The following STARD13 variants were observed in gnomAD, a reference collection of about 807,000 sequenced individuals.
STARD13 encodes the protein stAR-related lipid transfer protein 13.
STARD13 carries 62 observed loss-of-function variants against 106.4 expected under a neutral mutation model. The ratio of observed to expected loss-of-function variants is 0.58; its 90% CI spans 0.48 to 0.72. The LOEUF (loss-of-function observed/expected upper bound fraction) is 0.72. Ranked by LOEUF, STARD13 falls within the 30% of genes least tolerant of loss-of-function variation. The pLI is 0.00. For synonymous variants in STARD13, 565 were observed against 553.0 expected, an observed-to-expected ratio of 1.02 and a Z score of -0.31; for missense variants, 1,387 against 1,424.0, an observed-to-expected ratio of 0.97 and a Z score of 0.42.
intron 4 of STARD13, among the ~76,000 whole-genome samples, chr13:33,133,945 T>C (rs1300795712): frequency 2.7e-5 from 4 of 148,794 alleles, no homozygotes; most frequent in Non-Finnish European, 4.5e-5. Flanking sequence ...ATTTCATCTG[T>C]TTGATAATTT....
chr13:33,109,301 G>A (rs552219625), intron 12 of STARD13, among the ~76,000 whole-genome samples: 1 of 152,238 alleles, frequency 6.6e-6, no homozygotes, highest in African/African-American at 2.4e-5. Flanking sequence ...CCAAGAACAG[G>A]GGTCTGGAAC....
the STARD13 span, among the ~76,000 whole-genome samples, chr13:33,660,560 A>G: frequency 6.6e-6 from 1 of 152,282 alleles, no homozygotes; most frequent in African/African-American, 2.4e-5. Flanking sequence ...TAGGACACTA[A>G]GTAACTACTT....
At position 33,229,191 on chromosome 13, in the gene STARD13, G is replaced by A. The variant is rs1414262398; in HGVS notation, c.169+56279C>T. Reference sequence around the variant, plus strand: ...ACCAACGGAGGGAAAACTCCTTGGTGGGAAAGTAAACAATGCAGTGATTTA... The same window carrying A: ...ACCAACGGAGGGAAAACTCCTTGGTAGGAAAGTAAACAATGCAGTGATTTA... On this transcript the variant is annotated intron_variant, in intron 1 of 13. Transcript: ENST00000336934. Among the ~76,000 whole-genome samples the A allele has an allele frequency of 8.5e-5, 13 of 152,294 alleles. No individual in the cohort carries two copies. In the East Asian group the frequency reaches 2.5e-3, roughly 29 times the overall value.
chr13:33,122,233 C>T lies in STARD13; in HGVS notation c.2082+3848G>A, dbSNP rs1189863246. On this transcript the variant is annotated intron_variant, in intron 7 of 13. Transcript: ENST00000336934. ...CTGACCTCAAGTGATCTGCCCACCT[C>T]GGCCTCCCAAAGTGTTGGGATTTTA... 7.9e-5 allele frequency among the ~76,000 whole-genome samples: 12 copies of T among 152,332 alleles called. 1 individual carries two copies. The highest frequency in any genetic ancestry group is 2.0e-4 in the Admixed American group (3 of 15,302).
chr13:33,551,346 AG>A, the STARD13 span, among the ~76,000 whole-genome samples: 1 of 152,188 alleles, frequency 6.6e-6, no homozygotes, highest in African/African-American at 2.4e-5. Context: ...ATATGAGGTC[AG>A]GTGTGGAATT....
At chr13:33,443,845 T>C in the STARD13 span, among the ~76,000 whole-genome samples, 1 of 141,608 alleles carries the variant, frequency 7.1e-6, no homozygotes, top group Non-Finnish European at 1.5e-5. Context: ...GCCGAGATTG[T>C]GCCACTGCAC....
chr13:33,337,444 T>A (rs950466705), intron 1 of STARD13, among the ~76,000 whole-genome samples: 1 of 152,216 alleles, frequency 6.6e-6, no homozygotes, highest in Non-Finnish European at 1.5e-5. Context: ...ACCACAATAC[T>A]TTTTAAAAAA....
the STARD13 span, among the ~76,000 whole-genome samples, chr13:33,603,505 G>C: frequency 6.6e-6 from 1 of 152,154 alleles, no homozygotes; most frequent in Admixed American, 6.5e-5. Context: ...TCAGCACAGG[G>C]TGAAGACAAG....
chr13:33,180,267 C>T (rs546622091), intron 1 of STARD13: 2 of 152,290 alleles, frequency 1.3e-5, no homozygotes, highest in South Asian at 4.1e-4. Context: ...TCCTAAGAGG[C>T]TGTTACTTTT....
At chr13:33,139,071 A>G (rs937994412) in intron 4 of STARD13, among the ~76,000 whole-genome samples, 4 of 152,240 alleles carry the variant, frequency 2.6e-5, no homozygotes, top group Non-Finnish European at 4.4e-5. Flanking sequence ...CACAATTGCC[A>G]TGAAGACAAT....
chr13:33,109,423 G>A (rs1874202207), intron 12 of STARD13, among the ~76,000 whole-genome samples: 2 of 152,206 alleles, frequency 1.3e-5, no homozygotes, highest in South Asian at 4.1e-4. Flanking sequence ...ATAGCTATGA[G>A]CATCTGAAGT....
At chr13:33,273,681 A>C (rs1891271810) in intron 1 of STARD13, among the ~76,000 whole-genome samples, 1 of 152,230 alleles carries the variant, frequency 6.6e-6, no homozygotes, top group Non-Finnish European at 1.5e-5. Context: ...ATGGGCAATT[A>C]AAGTTTCTTA....
chr13:33,387,272 G>A, the STARD13 span, among the ~76,000 whole-genome samples: 15 of 152,238 alleles, frequency 9.9e-5, no homozygotes, highest in African/African-American at 3.4e-4. Flanking sequence ...CTAAGTTGCT[G>A]GGATTACAGA....
intron 1 of STARD13, among the ~76,000 whole-genome samples, chr13:33,200,757 C>T (rs1046704989): frequency 1.3e-5 from 2 of 151,478 alleles, no homozygotes; most frequent in Non-Finnish European, 2.9e-5. Context: ...CATGGTGGCT[C>T]ACGCCTGTAA....
intron 3 of STARD13, among the ~76,000 whole-genome samples, chr13:33,153,479 G>A (rs1401814856): frequency 3.3e-5 from 5 of 152,164 alleles, no homozygotes; most frequent in South Asian, 2.1e-4. Context: ...ACTGTGTGCC[G>A]GGAGGGATGT....
At chr13:33,620,040 A>T in the STARD13 span, among the ~76,000 whole-genome samples, 3 of 152,128 alleles carry the variant, frequency 2.0e-5, no homozygotes, top group African/African-American at 7.2e-5. Context: ...CTGGGCGACA[A>T]GAGCAAAACT....
chr13:33,225,344 A>G (rs1039044245), intron 1 of STARD13, among the ~76,000 whole-genome samples: 2 of 152,098 alleles, frequency 1.3e-5, no homozygotes, highest in Non-Finnish European at 2.9e-5. Context: ...CTTCTCCTCT[A>G]TTGCTATCAA....
chr13:33,275,635 T>C (rs1041704755), intron 1 of STARD13: 2 of 152,306 alleles, frequency 1.3e-5, no homozygotes, highest in South Asian at 2.1e-4. Context: ...TTATAGTAAG[T>C]TTGGAGTTTG....
the STARD13 span, among the ~76,000 whole-genome samples, chr13:33,410,858 C>A: frequency 5.3e-5 from 8 of 152,266 alleles, no homozygotes; most frequent in Non-Finnish European, 7.4e-5. Context: ...CAGCCTCAAC[C>A]CAAGCATCAG....
Sources: gnomAD v4.1 joint callset for allele counts (sites outside exome capture counted in the v4.1 genomes callset) on GRCh38, gnomAD v4.1.1 for gene constraint, MANE v1.5 for transcripts, NCBI Gene and HGNC (gene_info 2026-07-23, HGNC 2026-07-21) for gene names.